Variants in RGS22 observed in about 807,000 individuals in gnomAD.
The protein encoded by RGS22 is regulator of G-protein signaling 22.
A neutral mutation model predicts 172.9 loss-of-function variants in RGS22; 148 were observed. That is an observed-to-expected ratio of 0.86 (90% confidence interval 0.75 to 0.98). The LOEUF (loss-of-function observed/expected upper bound fraction) is 0.98, where lower values mean the gene tolerates loss of function less well. Among genes scored for constraint, RGS22 ranks in the 50% least tolerant of loss-of-function variants. The pLI is 0.00. For synonymous variants in RGS22, 458 were observed against 480.2 expected, an observed-to-expected ratio of 0.95 and a Z score of 0.60; for missense variants, 1,347 against 1,440.8, an observed-to-expected ratio of 0.93 and a Z score of 1.05.
intron 6 of RGS22, among the ~76,000 whole-genome samples, chr8:100,069,390 G>A (rs1810781110): frequency 6.6e-6 from 1 of 152,216 alleles, no homozygotes; most frequent in African/African-American, 2.4e-5. Flanking sequence ...TTGTGTATTA[G>A]AAGTATAGTT....
rs191526486 is a variant in RGS22 at position 100,031,590 on chromosome 8, C to G, written c.2166+7341G>C. On this transcript the variant is annotated intron_variant, in intron 14 of 27. Transcript: ENST00000360863. ...AATTTGGTGCGTGTGTGTGTGTGTA[C>G]TTAAACATGTTTAATATTTTTGTTT... Among the ~76,000 whole-genome samples, 404 of 151,846 alleles carry G rather than the reference C, an allele frequency of 2.7e-3. 1 individual carries two copies. The highest frequency in any genetic ancestry group is 4.8e-3 in the Non-Finnish European group (329 of 67,892).
At chr8:100,006,151 C>A (rs760838214) in intron 15 of RGS22, 42 bp from the exon 16 acceptor site, 2 of 1,517,922 alleles carry the variant, frequency 1.3e-6, no homozygotes, top group Admixed American at 1.8e-5. Flanking sequence ...AGAGAATGTA[C>A]AATTTGCTAG....
At chr8:100,053,036 G>A (rs1028625348) in intron 9 of RGS22, 60 bp from the exon 10 acceptor site, 17 of 1,474,918 alleles carry the variant, frequency 1.2e-5, no homozygotes, top group Admixed American at 5.3e-5. Flanking sequence ...AAAATGAAAA[G>A]CCTACAAAAT....
At chr8:99,969,723 A>T (rs1811128866) in intron 23 of RGS22, among the ~76,000 whole-genome samples, 1 of 152,124 alleles carries the variant, frequency 6.6e-6, no homozygotes, top group Admixed American at 6.6e-5. Flanking sequence ...AATACAGGAG[A>T]TTCATAAAGC....
chr8:99,998,192 TTAA>T (rs1814597551), intron 19 of RGS22, among the ~76,000 whole-genome samples: 2 of 152,226 alleles, frequency 1.3e-5, no homozygotes, highest in Non-Finnish European at 2.9e-5. Flanking sequence ...GTGTGAGGAC[TTAA>T]TAATATTAAA....
chr8:99,979,500 T>C (rs1355927982), intron 22 of RGS22, among the ~76,000 whole-genome samples: 2 of 152,202 alleles, frequency 1.3e-5, no homozygotes, highest in Admixed American at 1.3e-4. Flanking sequence ...AGAGCTACTT[T>C]ACTCACTGCC....
chr8:100,002,814 G>C, intron 17 of RGS22: 1 of 156,326 alleles, frequency 6.4e-6, no homozygotes, highest in Non-Finnish European at 1.4e-5. Context: ...CCAGTACTTT[G>C]GGAGGCCAAG....
intron 3 of RGS22, among the ~76,000 whole-genome samples, chr8:100,085,566 T>C (rs1030847049): frequency 1.3e-5 from 2 of 152,238 alleles, no homozygotes; most frequent in Non-Finnish European, 2.9e-5. Flanking sequence ...GAGTCAGTTG[T>C]TCCTCTGGAT....
chr8:99,971,172 C>T (rs992983139), intron 23 of RGS22, among the ~76,000 whole-genome samples: 1 of 152,164 alleles, frequency 6.6e-6, no homozygotes, highest in African/African-American at 2.4e-5. Context: ...TGATAAAATT[C>T]AACACCTCTT....
chr8:100,035,443 A>G (rs1346267887), intron 14 of RGS22, among the ~76,000 whole-genome samples: 1 of 152,212 alleles, frequency 6.6e-6, no homozygotes, highest in African/African-American at 2.4e-5. Flanking sequence ...GCGTTCATTA[A>G]AAAGCCAGGG....
chr8:100,001,221 C>CATACAT (rs1554611185), intron 18 of RGS22, among the ~76,000 whole-genome samples: 4 of 84,648 alleles, frequency 4.7e-5, no homozygotes, highest in African/African-American at 2.2e-4. Context: ...TATATATATA[C>CATACAT]ATATATATAT....
intron 14 of RGS22, among the ~76,000 whole-genome samples, chr8:100,031,633 T>C (rs1818821506): frequency 6.6e-6 from 1 of 152,114 alleles, no homozygotes; most frequent in Non-Finnish European, 1.5e-5. Flanking sequence ...TTACTTATTT[T>C]TATTTAAATA....
At chr8:100,065,528 A>T (rs548603204) in intron 7 of RGS22, among the ~76,000 whole-genome samples, 128 of 152,282 alleles carry the variant, frequency 8.4e-4, no homozygotes, top group Non-Finnish European at 1.3e-3. Context: ...CTGTAAGTGA[A>T]TTCCTGGGTT....
intron 23 of RGS22, among the ~76,000 whole-genome samples, chr8:99,969,617 A>T (rs1196635354): frequency 6.6e-6 from 1 of 152,158 alleles, no homozygotes; most frequent in Non-Finnish European, 1.5e-5. Flanking sequence ...ACCAACAAAG[A>T]TCAAAAAAGA....
In RGS22 at chr8:99,962,417, G is replaced by T; in HGVS notation, c.*22C>A. On this transcript the variant is annotated 3_prime_UTR_variant, in exon 27 of 28. Transcript: ENST00000360863. ...ACCTTGAACCTATCAGCAGCAGGAT[G>T]TAAACATTCACAAGAATGCTGTCAC... is the stretch of plus-strand genomic sequence containing the variant. 6.2e-7 allele frequency: 1 copy of T among 1,613,228 alleles called. No individual in the cohort carries two copies. Among genetic ancestry groups the T allele is most frequent in the South Asian group, 1.1e-5 (1 of 91,058 alleles).
intron 12 of RGS22, 87 bp downstream of exon 12, chr8:100,041,715 T>C (rs767634721): frequency 4.1e-6 from 3 of 723,888 alleles, no homozygotes; most frequent in Non-Finnish European, 6.9e-6. Flanking sequence ...AAAAATATTA[T>C]GATAAATCAA....
At chr8:100,030,889 A>G (rs1240404202) in intron 14 of RGS22, among the ~76,000 whole-genome samples, 2 of 152,222 alleles carry the variant, frequency 1.3e-5, no homozygotes, top group Non-Finnish European at 2.9e-5. Flanking sequence ...CATTGACAGT[A>G]TTAAAAAAGT....
chr8:100,032,277 C>T (rs1240419630), intron 14 of RGS22, among the ~76,000 whole-genome samples: 4 of 151,876 alleles, frequency 2.6e-5, no homozygotes, highest in Admixed American at 6.6e-5. Context: ...ACCCATCTCA[C>T]GTGCAGAGAC....
intron 14 of RGS22, among the ~76,000 whole-genome samples, chr8:100,033,453 C>T (rs558083593): frequency 1.3e-5 from 2 of 152,062 alleles, no homozygotes; most frequent in South Asian, 4.2e-4. Flanking sequence ...ATACACCCTC[C>T]CAAGACTAAA....
Sources: gnomAD v4.1 joint callset for allele counts (sites outside exome capture counted in the v4.1 genomes callset) on GRCh38, gnomAD v4.1.1 for gene constraint, MANE v1.5 for transcripts, NCBI Gene and HGNC (gene_info 2026-07-23, HGNC 2026-07-21) for gene names.